The following USP19 variants were observed in gnomAD, a reference collection of about 807,000 sequenced individuals.
The protein encoded by USP19 is ubiquitin specific peptidase 19.
In USP19, 40 loss-of-function variants were observed where a neutral mutation model predicts 144.8. The ratio of observed to expected loss-of-function variants is 0.28; its 90% confidence interval spans 0.21 to 0.36. The LOEUF (loss-of-function observed/expected upper bound fraction) is 0.36. Ranked by LOEUF, USP19 falls within the 10% of genes least tolerant of loss-of-function variation. The pLI, the probability that USP19 is intolerant of heterozygous loss-of-function variation, is 1.00. For synonymous variants in USP19, 701 were observed against 709.3 expected (o/e 0.99, Z 0.19); for missense variants, 1,518 against 1,822.5 (o/e 0.83, Z 3.04).
chr3:49,117,947 C>T lies in USP19; in HGVS notation c.298G>A (p.Gly100Arg). ...AACAAAAAGCCCATTCGTTACTGAC[C>T]CTCTTTGGTCTGCTCCTCTTGAGGA... ...STPQEEQTKEGACEDPHDLLA... is the reference protein window; with the variant it reads ...STPQEEQTKERACEDPHDLLA... Residue 100 changes from glycine (G) to arginine (R), a missense_variant and splice_region_variant, in exon 3 of 27, where the codon GGA (glycine) becomes AGA (arginine). Gly to Arg is a moderately radical substitution (Grantham distance 125). Transcript: ENST00000417901. This position sits in a 1 kb window ranked among gnomAD's most constrained non-coding sequence, Gnocchi z 4.4. The T allele has an allele frequency of 1.2e-6, 2 of 1,613,034 alleles. No individual in the cohort carries two copies. The highest frequency in any genetic ancestry group is 1.7e-6 in the Non-Finnish European group (2 of 1,179,776).
rs887777095 is a variant in USP19 at position 49,117,231 on chromosome 3, T to G, written c.737A>C (p.Lys246Thr). 1 of 1,551,640 alleles carries G rather than the reference T, an allele frequency of 6.4e-7. No individual in the cohort carries two copies. Among genetic ancestry groups the G allele is most frequent in the African/African-American group, 1.4e-5 (1 of 73,098 alleles). Residue 246 changes from lysine (K) to threonine (T), a missense_variant, in exon 6 of 27, where the codon AAG becomes ACG. Physicochemically the swap from Lys to Thr is moderately conservative, Grantham distance 78 (BLOSUM62 -1). This residue lies in a region of USP19 where 707 missense variants were observed against 728.9 expected (regional missense o/e 0.97). Coordinates refer to ENST00000417901, the MANE Select transcript of USP19 (RefSeq NM_001199161.2). This position sits in a 1 kb window ranked among gnomAD's most constrained non-coding sequence, Gnocchi z 4.4. ...HRAKQEARNQ[K>T]RAQGRGEVGA... ...TACCTCACCACGGCCCTGGGCCCGCTTCTGGTTCCGGGCCTCCTGCTTAGC... is the reference window on the plus strand; with the variant it reads ...TACCTCACCACGGCCCTGGGCCCGCGTCTGGTTCCGGGCCTCCTGCTTAGC...
Position 49,115,991 on chromosome 3 carries a change from G to A in USP19, c.1472-47C>T, listed in dbSNP as rs563534078. ...GGCTGGTGGTTAGCAGCATGTGACA[G>A]GGGTTTGGGTCCTGGTCACGTGGAA... is the stretch of plus-strand genomic sequence containing the variant. On this transcript the variant is annotated intron_variant, in intron 10 of 26. Coordinates refer to ENST00000417901, the MANE Select transcript of USP19 (RefSeq NM_001199161.2). The surrounding 1 kb of genome is among the most constrained non-coding windows in gnomAD (Gnocchi z 6.6). 4.0e-5 allele frequency: 62 copies of A among 1,567,966 alleles called. No homozygotes were observed. In the South Asian group the frequency reaches 6.0e-4, roughly 15 times the overall value.
chr3:49,118,801 G>A (rs970705978), intron 2 of USP19, among the ~76,000 whole-genome samples: 2 of 152,152 alleles, frequency 1.3e-5, no homozygotes, highest in African/African-American at 2.4e-5. Flanking sequence ...GTTTAAAAAG[G>A]AAAGAAGGCA....
In USP19 at chr3:49,114,425, T is replaced by A; in HGVS notation, c.2293-141A>T. The A allele has an allele frequency of 1.4e-6, 1 of 739,566 alleles. No homozygotes were observed. Among genetic ancestry groups the A allele is most frequent in the Non-Finnish European group, 2.2e-6 (1 of 448,576 alleles). The allele number at this position is 739,566 out of a possible 1,614,324, so 45.8% of individuals were successfully genotyped here. A position where few individuals can be genotyped will look rare whatever the true frequency, so the allele number is the denominator to read the frequency against. On this transcript the variant is annotated intron_variant, in intron 15 of 26. Coordinates refer to ENST00000417901, the MANE Select transcript of USP19 (RefSeq NM_001199161.2). This position sits in a 1 kb window ranked among gnomAD's most constrained non-coding sequence, Gnocchi z 4.5. The stretch of plus-strand genomic sequence containing the variant: ...AGCAAACTCTCAGGCTTCAGGACAC[T>A]AGACAGGGCAGGAGGACCACCAGGA...
chr3:49,117,693 C>G lies in USP19; in HGVS notation c.436G>C (p.Ala146Pro). Reference protein sequence around the residue: ...GPLQLEDVDAAFTDTDCVVRF... With the variant: ...GPLQLEDVDAPFTDTDCVVRF... ...ACCACACAGTCTGTATCTGTGAAAG[C>G]AGCATCTACATCCTCCAGCTGCAGG... Residue 146 changes from alanine (A) to proline (P), a missense_variant, in exon 4 of 27, where the codon GCT becomes CCT. This residue lies in a region of USP19 where 707 missense variants were observed against 728.9 expected (regional missense o/e 0.97). Coordinates refer to ENST00000417901, the MANE Select transcript of USP19 (RefSeq NM_001199161.2). This position sits in a 1 kb window ranked among gnomAD's most constrained non-coding sequence, Gnocchi z 4.4. 1 of 1,614,202 alleles carries G rather than the reference C, an allele frequency of 6.2e-7. No homozygotes were observed. The highest frequency in any genetic ancestry group is 1.1e-5 in the South Asian group (1 of 91,080).
rs201643023 is a variant in USP19, at chr3:49,111,017, G to A, written c.3478C>T (p.His1160Tyr). The A allele has an allele frequency of 3.3e-5, 53 of 1,614,004 alleles. No homozygotes were observed. The Admixed American group carries it at 8.2e-4, about 25-fold the overall frequency. Residue 1160 changes from histidine to tyrosine, a missense_variant, in exon 23 of 27, where the codon CAC (histidine) becomes TAC (tyrosine). His to Tyr is a moderately conservative substitution (Grantham distance 83, BLOSUM62 2). Coordinates refer to ENST00000417901, the MANE Select transcript of USP19 (RefSeq NM_001199161.2). The surrounding 1 kb of genome is among the most constrained non-coding windows in gnomAD (Gnocchi z 5.9). ...GSAGEAARAGHFTLDQCLNLF... is the reference protein window; with the variant it reads ...GSAGEAARAGYFTLDQCLNLF... ...TTGAGGCACTGGTCCAGGGTGAAGT[G>A]GCCGGCCCGGGCAGCCTCACCGGCA...
In USP19 at chr3:49,116,348, A is replaced by G. The variant is rs1216994119; in HGVS notation, c.1287T>C (p.Asp429=). The G allele has an allele frequency of 1.9e-6, 3 of 1,613,980 alleles. No individual in the cohort carries two copies. Among genetic ancestry groups the G allele is most frequent in the Non-Finnish European group, 2.5e-6 (3 of 1,180,036 alleles). Residue 429 remains aspartate (D), a synonymous_variant, in exon 9 of 27, where the codon GAT becomes GAC. Coordinates refer to ENST00000417901, the MANE Select transcript of USP19 (RefSeq NM_001199161.2). This position sits in a 1 kb window ranked among gnomAD's most constrained non-coding sequence, Gnocchi z 5.0. ...QDFTLIFQTR[D]GNFLRLHPGC... The stretch of plus-strand genomic sequence containing the variant: ...CCGGGTGCAGCCTCAGGAAGTTTCC[A>G]TCCCTGCAGAGGCACAGCAGGATAG...
chr3:49,112,408 G>A lies in USP19; in HGVS notation c.2647-6C>T. 6.2e-7 allele frequency: 1 copy of A among 1,613,974 alleles called. No individual in the cohort carries two copies. The highest frequency in any genetic ancestry group is 8.5e-7 in the Non-Finnish European group (1 of 1,179,946). ...ACGCTGGGCACCTGGGGGCGCTAGG[G>A]TGGGTCGTCTGGCTCAGCAAGACCA... On this transcript the variant is annotated splice_polypyrimidine_tract_variant and splice_region_variant and intron_variant, in intron 18 of 26. Coordinates refer to ENST00000417901, the MANE Select transcript of USP19 (RefSeq NM_001199161.2). This position sits in a 1 kb window ranked among gnomAD's most constrained non-coding sequence, Gnocchi z 4.9.
At position 49,111,913 on chromosome 3, in the gene USP19, G is replaced by A; in HGVS notation, c.2901C>T (p.Ala967=). 2 of 1,613,974 alleles carry A rather than the reference G, an allele frequency of 1.2e-6. No homozygotes were observed. The highest frequency in any genetic ancestry group is 1.7e-6 in the Non-Finnish European group (2 of 1,179,978). ...TAGTCCAACCACTGGGCACTTACCG[G>A]GCATAGCCCTCTAGCAACTGAGCGA... ...ARLAQLLEGY[A]RYSVSVFQPP... Residue 967 remains alanine, a splice_region_variant and synonymous_variant, in exon 20 of 27, where the codon GCC becomes GCT. Coordinates refer to ENST00000417901, the MANE Select transcript of USP19 (RefSeq NM_001199161.2). The surrounding 1 kb of genome is among the most constrained non-coding windows in gnomAD (Gnocchi z 5.9).
In USP19 at chr3:49,117,116, C is replaced by G. The variant is rs1360336117; in HGVS notation, c.852G>C (p.Arg284Ser). 1 of 1,541,560 alleles carries G rather than the reference C, an allele frequency of 6.5e-7. No individual in the cohort carries two copies. The highest frequency in any genetic ancestry group is 8.8e-7 in the Non-Finnish European group (1 of 1,142,382). ...CATCACCCCGGGGTCCAGGGTCATC[C>G]CTGGACCCGTCCCCCTCTGGCCCTC... is the stretch of plus-strand genomic sequence containing the variant. Reference protein sequence around the residue: ...LCRGPEGDGSRDDPGPRGDAP... With the variant: ...LCRGPEGDGSSDDPGPRGDAP... The change falls in exon 6 of 27, where the codon AGG becomes AGC. Residue 284 changes from arginine (R) to serine (S), a missense_variant. Physicochemically the swap from Arg to Ser is moderately radical, Grantham distance 110. Coordinates refer to ENST00000417901, the MANE Select transcript of USP19 (RefSeq NM_001199161.2). The surrounding 1 kb of genome is among the most constrained non-coding windows in gnomAD (Gnocchi z 4.4).
In USP19 at chr3:49,117,850, AAC is replaced by A. The variant is rs764166657; in HGVS notation, c.299-22_299-21del. On this transcript the variant is annotated intron_variant, in intron 3 of 26. Transcript: ENST00000417901. The surrounding 1 kb of genome is among the most constrained non-coding windows in gnomAD (Gnocchi z 4.4). ...AAGCTCCTGATGGTGATAAGCAGGTAACAGAGACCCAGCCTAATGAAACTGCT... is the reference window on the plus strand; with the variant it reads ...AAGCTCCTGATGGTGATAAGCAGGTAAGAGACCCAGCCTAATGAAACTGCT... 5 of 1,614,028 alleles carry A rather than the reference AAC, an allele frequency of 3.1e-6. No individual in the cohort carries two copies. Among genetic ancestry groups the A allele is most frequent in the Non-Finnish European group, 3.4e-6 (4 of 1,179,904 alleles).
Position 49,108,969 on chromosome 3 carries a change from G to C in USP19, c.4039-441C>G, listed in dbSNP as rs541357086. The C allele has an allele frequency of 3.1e-6, 5 of 1,610,482 alleles. No individual in the cohort carries two copies. In the Admixed American group the frequency reaches 8.4e-5, roughly 27 times the overall value. On this transcript the variant is annotated intron_variant, in intron 26 of 26. Coordinates refer to ENST00000417901, the MANE Select transcript of USP19 (RefSeq NM_001199161.2). This position sits in a 1 kb window ranked among gnomAD's most constrained non-coding sequence, Gnocchi z 4.8. ...GCCTGCAGGCGAGCTCATCTCCAGC[G>C]ACTCTGGGATACCAGAGGATAGAAC... is the stretch of plus-strand genomic sequence containing the variant.
At position 49,108,797 on chromosome 3, in the gene USP19, C is replaced by A; in HGVS notation, c.4039-269G>T. On this transcript the variant is annotated intron_variant, in intron 26 of 26. Coordinates refer to ENST00000417901, the MANE Select transcript of USP19 (RefSeq NM_001199161.2). The surrounding 1 kb of genome is among the most constrained non-coding windows in gnomAD (Gnocchi z 4.8). ...GGACAGACAGCCAGATGGATACACA[C>A]CCTAGGATACTCTGCCCCTGCAGGG... 7.0e-7 allele frequency: 1 copy of A among 1,437,350 alleles called. No individual in the cohort carries two copies. The highest frequency in any genetic ancestry group is 9.1e-7 in the Non-Finnish European group (1 of 1,097,640). 89.0% of individuals were successfully genotyped at this position (1,437,350 alleles called of 1,614,324 possible).
Position 49,108,489 on chromosome 3 carries a change from G to T in USP19, c.4078C>A (p.Arg1360=). The T allele has an allele frequency of 7.8e-7, 1 of 1,275,590 alleles. No homozygotes were observed. The highest frequency in any genetic ancestry group is 1.0e-6 in the Non-Finnish European group (1 of 987,644). 79.0% of individuals were successfully genotyped at this position (1,275,590 alleles called of 1,614,324 possible). The change falls in exon 27 of 27, where the codon CGG becomes AGG. Residue 1360 remains arginine, a synonymous_variant. Coordinates refer to ENST00000417901, the MANE Select transcript of USP19 (RefSeq NM_001199161.2). This position sits in a 1 kb window ranked among gnomAD's most constrained non-coding sequence, Gnocchi z 4.8. ...PGQAPEVAPT[R]TAPERFAPPV... ...GGGGCGAAGCGTTCAGGGGCTGTCCGCGTGGGGGCCACCTCGGGGGCCTGG... is the reference window on the plus strand; with the variant it reads ...GGGGCGAAGCGTTCAGGGGCTGTCCTCGTGGGGGCCACCTCGGGGGCCTGG...
chr3:49,109,640 G>A (rs2042839635), intron 26 of USP19, among the ~76,000 whole-genome samples: 1 of 152,238 alleles, frequency 6.6e-6, no homozygotes, highest in South Asian at 2.1e-4. Flanking sequence ...GAGACGGCCA[G>A]TCCAGAAAAG....
In USP19 at chr3:49,116,321, G is replaced by A. The variant is rs1347485146; in HGVS notation, c.1314C>T (p.Gly438=). ...AACGGAAGGTGGTGTGGGGCCCACA[G>A]CCCGGGTGCAGCCTCAGGAAGTTTC... ...RDGNFLRLHP[G]CGPHTTFRWQ... is the part of the protein sequence containing the mutation. Residue 438 remains glycine (G), a synonymous_variant, in exon 9 of 27, where the codon GGC becomes GGT. Coordinates refer to ENST00000417901, the MANE Select transcript of USP19 (RefSeq NM_001199161.2). This position sits in a 1 kb window ranked among gnomAD's most constrained non-coding sequence, Gnocchi z 5.0. The A allele has an allele frequency of 1.9e-6, 3 of 1,614,068 alleles. No homozygotes were observed. In the Admixed American group the frequency reaches 5.0e-5, roughly 27 times the overall value.
chr3:49,116,664 C>G lies in USP19; in HGVS notation c.1127-57G>C. On this transcript the variant is annotated intron_variant, in intron 7 of 26. Transcript: ENST00000417901. The surrounding 1 kb of genome is among the most constrained non-coding windows in gnomAD (Gnocchi z 5.0). The stretch of plus-strand genomic sequence containing the variant: ...GGACAGGTTCCAGCCTATTGCTACT[C>G]TCTATCCACCTACAAACTTTGCAAC... 6.2e-7 allele frequency: 1 copy of G among 1,610,276 alleles called. No individual in the cohort carries two copies. Among genetic ancestry groups the G allele is most frequent in the South Asian group, 1.1e-5 (1 of 90,670 alleles).
In USP19 at chr3:49,108,807, C is replaced by T; in HGVS notation, c.4039-279G>A. 4 of 1,440,420 alleles carry T rather than the reference C, an allele frequency of 2.8e-6. No individual in the cohort carries two copies. Among genetic ancestry groups the T allele is most frequent in the Non-Finnish European group, 3.6e-6 (4 of 1,097,870 alleles). The allele number at this position is 1,440,420 out of a possible 1,614,324, so 89.2% of individuals were successfully genotyped here. On this transcript the variant is annotated intron_variant, in intron 26 of 26. Transcript: ENST00000417901. This position sits in a 1 kb window ranked among gnomAD's most constrained non-coding sequence, Gnocchi z 4.8. ...CCAGATGGATACACACCCTAGGATA[C>T]TCTGCCCCTGCAGGGGCCACAACCT...
In USP19 at chr3:49,108,353, G is replaced by T; in HGVS notation, c.*59C>A. 3.5e-6 allele frequency: 2 copies of T among 577,964 alleles called. No individual in the cohort carries two copies. The highest frequency in any genetic ancestry group is 2.9e-4 in the Middle Eastern group (1 of 3,464). The allele number at this position is 577,964 out of a possible 1,614,324, so 35.8% of individuals were successfully genotyped here. The stretch of plus-strand genomic sequence containing the variant: ...TGGGTTAGAGAAGGAGAAGCGGCAA[G>T]GAGCTGGCCCTCTGTGTGGGTGTCC... On this transcript the variant is annotated 3_prime_UTR_variant, in exon 27 of 27. Coordinates refer to ENST00000417901, the MANE Select transcript of USP19 (RefSeq NM_001199161.2). The surrounding 1 kb of genome is among the most constrained non-coding windows in gnomAD (Gnocchi z 4.8).
Sources: gnomAD v4.1 joint callset for allele counts (sites outside exome capture counted in the v4.1 genomes callset) on GRCh38, gnomAD v4.1.1 for gene constraint, gnomAD v4.1.1 regional missense constraint, Gnocchi (gnomAD v3.1) non-coding constraint, MANE v1.5 for transcripts, NCBI Gene and HGNC (gene_info 2026-07-23, HGNC 2026-07-21) for gene names.